ANK2: variants seen among roughly 807,000 people sequenced by gnomAD.
The protein encoded by ANK2 is ankyrin-2.
Under a neutral mutation model 360.5 loss-of-function variants are expected in ANK2, and 83 were observed. The ratio of observed to expected loss-of-function variants is 0.23; its 90% CI spans 0.19 to 0.28. The LOEUF (loss-of-function observed/expected upper bound fraction) is 0.28. Ranked by LOEUF, ANK2 falls within the 10% of genes least tolerant of loss-of-function variation. The probability of loss-of-function intolerance (pLI) is 1.00; values close to 1 mark genes in which losing one functional copy is unlikely to be tolerated. For synonymous variants in ANK2, 1,740 were observed against 1,759.5 expected (o/e 0.99, Z 0.28); for missense variants, 4,201 against 4,795.7 (o/e 0.88, Z 3.66).
At chr4:113,258,939 G>A (rs568576303) in intron 13 of ANK2, among the ~76,000 whole-genome samples, 4 of 152,158 alleles carry the variant, frequency 2.6e-5, no homozygotes, top group East Asian at 3.9e-4. Context: ...GTAACATTAC[G>A]TTGATTTTTA....
chr4:112,890,558 T>G (rs951558001), intron 1 of ANK2, among the ~76,000 whole-genome samples: 22 of 73,364 alleles, frequency 3.0e-4, no homozygotes, highest in African/African-American at 1.4e-3. Context: ...TTTCTGTGGT[T>G]TTTTTTTTTT....
chr4:112,789,348 G>C, the ANK2 span, among the ~76,000 whole-genome samples: 1 of 152,118 alleles, frequency 6.6e-6, no homozygotes, highest in Admixed American at 6.6e-5. Context: ...CAAAATGAAG[G>C]TTTAGCTAAA....
chr4:112,720,956 T>C, the ANK2 span, among the ~76,000 whole-genome samples: 2 of 152,196 alleles, frequency 1.3e-5, no homozygotes, highest in East Asian at 1.9e-4. Flanking sequence ...AAAAGTACTA[T>C]GGAATGATCT....
At chr4:113,010,837 A>G (rs1258402757) in intron 2 of ANK2, among the ~76,000 whole-genome samples, 1 of 152,152 alleles carries the variant, frequency 6.6e-6, no homozygotes, top group Non-Finnish European at 1.5e-5. Flanking sequence ...GGTAATAGAT[A>G]GCTTAGAATT....
At chr4:112,790,126 T>C in the ANK2 span, among the ~76,000 whole-genome samples, 92 of 152,242 alleles carry the variant, frequency 6.0e-4, no homozygotes, top group African/African-American at 2.1e-3. Flanking sequence ...TTCTATATGG[T>C]AGAGATAGCT....
At chr4:113,275,494 G>A (rs1002985292) in intron 15 of ANK2, among the ~76,000 whole-genome samples, 2 of 152,158 alleles carry the variant, frequency 1.3e-5, no homozygotes, top group Non-Finnish European at 2.9e-5. Flanking sequence ...GTAGGTATAA[G>A]TACTTCATCC....
At chr4:112,991,615 C>CTTTTTT (rs1363502696) in intron 2 of ANK2, among the ~76,000 whole-genome samples, 1 of 80,654 alleles carries the variant, frequency 1.2e-5, no homozygotes, top group Non-Finnish European at 2.7e-5. Flanking sequence ...TCTTTTCTTT[C>CTTTTTT]TTTCTTTTTT....
the ANK2 span, among the ~76,000 whole-genome samples, chr4:112,760,330 G>T: frequency 2.6e-5 from 4 of 151,954 alleles, no homozygotes; most frequent in Non-Finnish European, 5.9e-5. Context: ...GGGACTACAG[G>T]CGCCTGCTAC....
At position 113,348,312 on chromosome 4, in the gene ANK2, ATTTTATGACAGTGTCACTT is replaced by A. The variant is rs2095106583; in HGVS notation, c.4404+5_4404+23del. On this transcript the variant is annotated splice_donor_5th_base_variant and intron_variant, in intron 36 of 45. Transcript: ENST00000357077. ...AGATCAAGAACAGGAGGAAGAGGTA[ATTTTATGACAGTGTCACTT>A]GTTATCGGCTGTGTCATTGCTGTAA... The A allele has an allele frequency of 6.2e-7, 1 of 1,613,088 alleles. No individual in the cohort carries two copies. Among genetic ancestry groups the A allele is most frequent in the East Asian group, 2.2e-5 (1 of 44,838 alleles).
intron 1 of ANK2, among the ~76,000 whole-genome samples, chr4:112,901,172 G>T (rs1180499007): frequency 6.6e-6 from 1 of 152,120 alleles, no homozygotes; most frequent in Non-Finnish European, 1.5e-5. Flanking sequence ...TTTTTGTAGG[G>T]AGTCATTTTT....
intron 1 of ANK2, among the ~76,000 whole-genome samples, chr4:113,080,352 C>T (rs1269083464): frequency 1.3e-5 from 2 of 152,124 alleles, no homozygotes; most frequent in Non-Finnish European, 2.9e-5. Context: ...ACATTGTTCT[C>T]CCAAGGAAGA....
intron 45 of ANK2, chr4:113,374,854 AC>A: frequency 1.6e-6 from 2 of 1,274,404 alleles, no homozygotes; most frequent in Non-Finnish European, 2.0e-6. Context: ...AGTTGTTAAA[AC>A]AACTGTGGTA....
intron 23 of ANK2, among the ~76,000 whole-genome samples, chr4:113,307,787 C>T (rs2077985718): frequency 6.6e-6 from 1 of 152,160 alleles, no homozygotes; most frequent in Admixed American, 6.5e-5. Context: ...ACTGAGGAAT[C>T]TTGTGTTTTC....
chr4:113,369,927 C>A, intron 43 of ANK2, 122 bp downstream of exon 43: 1 of 1,209,430 alleles, frequency 8.3e-7, no homozygotes, highest in Non-Finnish European at 1.2e-6. Context: ...AATTAATTAA[C>A]CTGGCACATG....
chr4:112,870,359 T>C (rs1443749673), intron 1 of ANK2, among the ~76,000 whole-genome samples: 2 of 152,218 alleles, frequency 1.3e-5, no homozygotes, highest in African/African-American at 4.8e-5. Context: ...TTTGGTGTCA[T>C]ATCTAAGAAA....
At chr4:112,826,525 C>T in intron 1 of ANK2, 4 of 1,300,046 alleles carry the variant, frequency 3.1e-6, no homozygotes, top group East Asian at 4.6e-5. Flanking sequence ...GTTATTGGCA[C>T]TCCAATGCAA....
At chr4:112,981,251 G>A (rs77508625) in intron 2 of ANK2, among the ~76,000 whole-genome samples, 2 of 152,210 alleles carry the variant, frequency 1.3e-5, no homozygotes, top group Non-Finnish European at 1.5e-5. Context: ...ATGAAATTGC[G>A]GAGTAGAAAT....
chr4:113,354,249 A>G lies in ANK2; in HGVS notation c.5631A>G (p.Lys1877=), dbSNP rs1463220816. 2 of 1,613,948 alleles carry G rather than the reference A, an allele frequency of 1.2e-6. No homozygotes were observed. Among genetic ancestry groups the G allele is most frequent in the Admixed American group, 1.7e-5 (1 of 59,992 alleles). Residue 1877 remains lysine (K), a synonymous_variant, in exon 38 of 46, where the codon AAA becomes AAG. Coordinates refer to ENST00000357077, the MANE Select transcript of ANK2 (RefSeq NM_001148.6). ...CGTCATCATCGAGTAAAACTGAGAA[A>G]CACTCACCTGTATCACCCTCGACAA... ...SPASSSSKTE[K]HSPVSPSTKT... is the part of the protein sequence containing the mutation.
chr4:112,768,773 A>G, the ANK2 span, among the ~76,000 whole-genome samples: 1 of 152,164 alleles, frequency 6.6e-6, no homozygotes, highest in Non-Finnish European at 1.5e-5. Flanking sequence ...TGAATTCCAG[A>G]CTTACATTTC....
Sources: gnomAD v4.1 joint callset for allele counts (sites outside exome capture counted in the v4.1 genomes callset) on GRCh38, gnomAD v4.1.1 for gene constraint, MANE v1.5 for transcripts, NCBI Gene and HGNC (gene_info 2026-07-23, HGNC 2026-07-21) for gene names.